Variants in COL4A4 observed in about 807,000 individuals in gnomAD.
The protein encoded by COL4A4 is collagen alpha-4(IV) chain.
In COL4A4, 105 loss-of-function variants were observed where a neutral mutation model predicts 192.9. That is an observed-to-expected ratio of 0.54 (90% confidence interval 0.46 to 0.64). The LOEUF is 0.64. Ranked by LOEUF, COL4A4 falls within the 30% of genes least tolerant of loss-of-function variation. The probability of loss-of-function intolerance (pLI) is 0.00; values close to 1 mark genes in which losing one functional copy is unlikely to be tolerated. For missense variants in COL4A4, 1,967 were observed against 2,169.3 expected (o/e 0.91, Z 1.85); for synonymous variants, 762 against 769.9 (o/e 0.99, Z 0.17).
At chr2:227,061,487 C>T (rs921842367) in intron 26 of COL4A4, among the ~76,000 whole-genome samples, 21 of 152,298 alleles carry the variant, frequency 1.4e-4, no homozygotes, top group African/African-American at 5.1e-4. Flanking sequence ...TGTTGCAACC[C>T]CAAACCTAAC....
chr2:227,022,282 CAAATTCAGTATA>C lies in COL4A4; in HGVS notation c.4091-121_4091-110del, dbSNP rs532620427. The C allele has an allele frequency of 7.9e-4, 994 of 1,253,764 alleles. 31 individuals are homozygous for C. The South Asian group carries it at 0.011, about 14-fold the overall frequency. The allele number at this position is 1,253,764 out of a possible 1,614,324, so 77.7% of individuals were successfully genotyped here. A position where few individuals can be genotyped will look rare whatever the true frequency, so the allele number is the denominator to read the frequency against. On this transcript the variant is annotated intron_variant, in intron 43 of 47. Coordinates refer to ENST00000396625, the MANE Select transcript of COL4A4 (RefSeq NM_000092.5). The stretch of plus-strand genomic sequence containing the variant: ...TCTGACACTATACTGAAATTTAGTA[CAAATTCAGTATA>C]AAATTCAGTATAAATGTTTGTAAAG...
At chr2:227,107,872 T>C (rs951038719) in intron 12 of COL4A4, among the ~76,000 whole-genome samples, 9 of 151,388 alleles carry the variant, frequency 5.9e-5, no homozygotes, top group Middle Eastern at 3.4e-3. Context: ...ATTCTCCTGC[T>C]TCAGCCTCCC....
intron 19 of COL4A4, among the ~76,000 whole-genome samples, chr2:227,098,123 A>C (rs939571304): frequency 6.6e-6 from 1 of 152,314 alleles, no homozygotes; most frequent in Admixed American, 6.5e-5. Flanking sequence ...AGGGAAGAAG[A>C]CTTTTTTAAA....
At chr2:227,066,989 A>G (rs990637579) in intron 25 of COL4A4, among the ~76,000 whole-genome samples, 1,528 of 148,430 alleles carry the variant, frequency 0.01, 12 homozygotes, top group Non-Finnish European at 0.018. Context: ...GTGCAGAGAC[A>G]CACATAGGCT....
At position 227,051,037 on chromosome 2, in the gene COL4A4, G is replaced by A. The variant is rs1341200951; in HGVS notation, c.3090C>T (p.Gly1030=). ...KGQPGPPGPP[G]PPGSTGLRGF... is the part of the protein sequence containing the mutation. ...CTCTTAGACCAGTTGAGCCTGGAGG[G>A]CCTGGGGGTCCAGGAGGCCCTGGCT... The change falls in exon 33 of 48, where the codon GGC becomes GGT. Residue 1030 remains glycine, a synonymous_variant. Transcript: ENST00000396625. The A allele has an allele frequency of 4.3e-6, 7 of 1,614,186 alleles. No homozygotes were observed. In the East Asian group the frequency reaches 1.6e-4, roughly 36 times the overall value.
intron 25 of COL4A4, among the ~76,000 whole-genome samples, chr2:227,071,960 A>G (rs2058747755): frequency 6.6e-6 from 1 of 152,106 alleles, no homozygotes; most frequent in Admixed American, 6.6e-5. Context: ...AAAAGCACAC[A>G]TTGACAACCT....
intron 42 of COL4A4, among the ~76,000 whole-genome samples, chr2:227,027,049 G>A (rs1228643303): frequency 6.6e-6 from 1 of 152,132 alleles, no homozygotes; most frequent in Non-Finnish European, 1.5e-5. Context: ...GAGGTCAGGA[G>A]TTTGAGACCA....
chr2:227,146,154 CAA>C (rs2063532842), intron 2 of COL4A4, among the ~76,000 whole-genome samples: 1 of 152,214 alleles, frequency 6.6e-6, no homozygotes, highest in Non-Finnish European at 1.5e-5. Context: ...CAATATGCTC[CAA>C]AGAGTGCAGA....
chr2:227,115,976 C>A (rs906353967), intron 7 of COL4A4, among the ~76,000 whole-genome samples: 3 of 152,202 alleles, frequency 2.0e-5, no homozygotes, highest in African/African-American at 4.8e-5. Context: ...ATTGTGATTA[C>A]TGCATGATCA....
intron 25 of COL4A4, among the ~76,000 whole-genome samples, chr2:227,071,244 T>C (rs954050995): frequency 2.0e-5 from 3 of 152,108 alleles, no homozygotes; most frequent in Non-Finnish European, 2.9e-5. Context: ...GCAGCAGGGA[T>C]AGCTATTCTT....
chr2:227,101,783 G>T, intron 16 of COL4A4, 82 bp downstream of exon 16: 1 of 1,193,316 alleles, frequency 8.4e-7, no homozygotes, highest in Non-Finnish European at 1.2e-6. Context: ...GTGTTTGCAC[G>T]CAACAGTACA....
At chr2:227,010,197 A>T in intron 46 of COL4A4, 116 bp downstream of exon 46, 1 of 1,124,822 alleles carries the variant, frequency 8.9e-7, no homozygotes, top group Non-Finnish European at 1.4e-6. Context: ...TTTTGTTTTA[A>T]AAGTAAGAAT....
intron 2 of COL4A4, among the ~76,000 whole-genome samples, chr2:227,146,164 A>T (rs2063533413): frequency 6.6e-6 from 1 of 152,238 alleles, no homozygotes; most frequent in South Asian, 2.1e-4. Flanking sequence ...CAAAGAGTGC[A>T]GACAGAATGG....
At chr2:227,082,945 C>A (rs1398634998) in intron 22 of COL4A4, among the ~76,000 whole-genome samples, 3 of 152,070 alleles carry the variant, frequency 2.0e-5, no homozygotes, top group Non-Finnish European at 4.4e-5. Context: ...TTATGGGAAC[C>A]TGGCTGGGTG....
At chr2:227,110,215 A>G (rs2061114858) in intron 9 of COL4A4, among the ~76,000 whole-genome samples, 1 of 152,152 alleles carries the variant, frequency 6.6e-6, no homozygotes. Context: ...AGGTCAAATG[A>G]TTGGGGAGTG....
chr2:227,022,810 T>C (rs931852132), intron 43 of COL4A4, among the ~76,000 whole-genome samples: 12 of 152,278 alleles, frequency 7.9e-5, no homozygotes, highest in Non-Finnish European at 1.2e-4. Context: ...AGTGTCCTCA[T>C]CATTGGCTGC....
At chr2:226,999,999 CTT>C (rs1960519088), downstream of COL4A4, among the ~76,000 whole-genome samples, 1 of 152,164 alleles carries the variant, frequency 6.6e-6, no homozygotes, top group South Asian at 2.1e-4. Context: ...AAGTTTGTAA[CTT>C]AAGAGATTCA....
At chr2:227,157,034 T>C (rs1165492539) in intron 1 of COL4A4, among the ~76,000 whole-genome samples, 1 of 152,190 alleles carries the variant, frequency 6.6e-6, no homozygotes, top group Admixed American at 6.5e-5. Context: ...TAGTATATAT[T>C]CTTTTCAAAT....
chr2:227,017,535 A>C (rs1296350977), intron 44 of COL4A4, among the ~76,000 whole-genome samples: 1 of 152,260 alleles, frequency 6.6e-6, no homozygotes, highest in African/African-American at 2.4e-5. Context: ...AGTTCAAAAC[A>C]AAATGGAAAA....
Sources: gnomAD v4.1 joint callset for allele counts (sites outside exome capture counted in the v4.1 genomes callset) on GRCh38, gnomAD v4.1.1 for gene constraint, MANE v1.5 for transcripts, NCBI Gene and HGNC (gene_info 2026-07-23, HGNC 2026-07-21) for gene names.